NXF2: variants seen among roughly 807,000 people sequenced by gnomAD.
NXF2 encodes the protein nuclear RNA export factor 2.
chrX:102,285,941 GTT>G (rs541008665), intron 2 of NXF2, among the ~76,000 whole-genome samples: 13,350 of 33,353 alleles, frequency 0.4, 2,383 homozygotes, highest in East Asian at 0.83. Context: ...GTTTGTTTTT[GTT>G]TTTTTTTTTT....
chrX:102,293,776 G>A (rs1302471030), intron 2 of NXF2, among the ~76,000 whole-genome samples: 2 of 6,023 alleles, frequency 3.3e-4, no homozygotes, highest in Non-Finnish European at 5.7e-4. Flanking sequence ...TAGTAGAGAC[G>A]GAGTTTCACC....
At chrX:102,282,431 G>A (rs1196334671) in intron 2 of NXF2, among the ~76,000 whole-genome samples, 1 of 113,908 alleles carries the variant, frequency 8.8e-6, no homozygotes, top group Admixed American at 9.2e-5. Flanking sequence ...GAGGGGTGGC[G>A]TCGGTAATTC....
intron 2 of NXF2, among the ~76,000 whole-genome samples, chrX:102,281,656 G>A (rs1163711239): frequency 9.5e-6 from 1 of 105,620 alleles, no homozygotes; most frequent in Non-Finnish European, 1.9e-5. Flanking sequence ...AAGGTGTGCA[G>A]CCTGGGGTTA....
intron 2 of NXF2, among the ~76,000 whole-genome samples, chrX:102,282,433 C>T (rs1480328899): frequency 2.4e-4 from 27 of 113,767 alleles, no homozygotes; most frequent in Admixed American, 1.9e-3. Flanking sequence ...GGGGTGGCGT[C>T]GGTAATTCAG....
chrX:102,251,965 A>ATGTTTTGTTT (rs1233142733), intron 2 of NXF2, among the ~76,000 whole-genome samples: 117 of 113,647 alleles, frequency 1.0e-3, no homozygotes, highest in South Asian at 0.01. Flanking sequence ...GGGTTCTGCC[A>ATGTTTTGTTT]TGTTTTGTTT....
intron 2 of NXF2, among the ~76,000 whole-genome samples, chrX:102,281,738 T>TC (rs1933917812): frequency 2.3e-5 from 1 of 42,597 alleles, no homozygotes; most frequent in Non-Finnish European, 4.2e-5. Flanking sequence ...ACCCCCCCCC[T>TC]CCCCCGACCC....
intron 1 of NXF2, 40 bp downstream of exon 1, chrX:102,247,278 TTTC>T (rs1265570966): frequency 7.1e-5 from 1 of 14,017 alleles, no homozygotes. Context: ...TTTCCTTTCT[TTTC>T]TTTTTTGCCT....
intron 2 of NXF2, 69 bp downstream of exon 2, chrX:102,248,627 A>AT (rs1333936916): frequency 4.6e-5 from 4 of 86,178 alleles, no homozygotes; most frequent in Non-Finnish European, 8.8e-5. Flanking sequence ...GAAGTTGTGC[A>AT]TTTGTAGCAA....
chrX:102,260,098 G>A (rs1227929883), intron 2 of NXF2: 1 of 91,349 alleles, frequency 1.1e-5, no homozygotes, highest in Non-Finnish European at 2.2e-5. Flanking sequence ...AGAGCCTTGG[G>A]TCCTTGCATC....
intron 2 of NXF2, among the ~76,000 whole-genome samples, chrX:102,252,094 G>T (rs1436764452): frequency 1.0e-5 from 1 of 96,741 alleles, no homozygotes; most frequent in African/African-American, 3.8e-5. Flanking sequence ...CCAGGTTCAA[G>T]CAATTCTCCT....
chrX:102,248,939 T>C (rs1933812788), intron 2 of NXF2, among the ~76,000 whole-genome samples: 1 of 4,621 alleles, frequency 2.2e-4, no homozygotes, highest in Non-Finnish European at 3.4e-4. Context: ...TGAATAATTC[T>C]GCAGGCTGGT....
At chrX:102,248,734 G>A (rs1200360946) in intron 2 of NXF2, among the ~76,000 whole-genome samples, 176 bp downstream of exon 2, 24 of 41,508 alleles carry the variant, frequency 5.8e-4, no homozygotes, top group African/African-American at 2.6e-3. Flanking sequence ...CCCTATACTG[G>A]ACAGACGGAA....
At chrX:102,294,304 A>G (rs1933992010) in intron 2 of NXF2, among the ~76,000 whole-genome samples, 1 of 98,719 alleles carries the variant, frequency 1.0e-5, no homozygotes, top group Admixed American at 1.1e-4. Context: ...AGTGAAAAAC[A>G]ATTATTATGT....
intron 2 of NXF2, among the ~76,000 whole-genome samples, chrX:102,251,278 A>G (rs1933817121): frequency 2.7e-5 from 1 of 37,211 alleles, no homozygotes; most frequent in Admixed American, 2.5e-4. Context: ...TGGGCTTTTA[A>G]ATTCCTTCCA....
At chrX:102,298,703 C>T (rs1247047039) in intron 2 of NXF2, among the ~76,000 whole-genome samples, 23 of 114,172 alleles carry the variant, frequency 2.0e-4, no homozygotes, top group Non-Finnish European at 4.3e-4. Context: ...CAGCTGCTCC[C>T]ACAGTGCTAA....
chrX:102,294,246 A>G (rs1556385159), intron 2 of NXF2, among the ~76,000 whole-genome samples: 1 of 105,206 alleles, frequency 9.5e-6, no homozygotes, highest in Non-Finnish European at 1.9e-5. Flanking sequence ...GGGCTCAAAG[A>G]CCTACGGTAG....
At chrX:102,254,416 G>GA (rs782009253) in intron 2 of NXF2, among the ~76,000 whole-genome samples, 2 of 87,814 alleles carry the variant, frequency 2.3e-5, no homozygotes, top group Non-Finnish European at 2.2e-5. Flanking sequence ...TACTAAAACA[G>GA]AAAAAAAAAA....
intron 2 of NXF2, among the ~76,000 whole-genome samples, chrX:102,290,099 C>CACATGAA (rs1324735257): frequency 5.9e-5 from 3 of 50,502 alleles, no homozygotes; most frequent in Admixed American, 4.3e-4. Context: ...AGCCAAAAGA[C>CACATGAA]ACATGAAAAA....
At chrX:102,252,081 C>T (rs1556382410) in intron 2 of NXF2, among the ~76,000 whole-genome samples, 1 of 102,548 alleles carries the variant, frequency 9.8e-6, no homozygotes, top group Non-Finnish European at 2.0e-5. Context: ...CAACCTCTGC[C>T]TCCCAGGTTC....
Sources: gnomAD v4.1 joint callset for allele counts (sites outside exome capture counted in the v4.1 genomes callset) on GRCh38, gnomAD v4.1.1 for gene constraint, MANE v1.5 for transcripts, NCBI Gene and HGNC (gene_info 2026-07-23, HGNC 2026-07-21) for gene names.